The following FAM120B variants were observed in gnomAD, a reference collection of about 807,000 sequenced individuals.
FAM120B encodes family with sequence similarity 120 member B, also known as constitutive coactivator of peroxisome proliferator-activated receptor gamma.
A neutral mutation model predicts 96.3 loss-of-function variants in FAM120B; 83 were observed. The observed-to-expected ratio is 0.86, with a 90% CI of 0.72 to 1.03. The LOEUF (loss-of-function observed/expected upper bound fraction) is 1.03, where lower values mean the gene tolerates loss of function less well. Ranked by LOEUF, FAM120B falls within the 50% of genes least tolerant of loss-of-function variation. The probability of loss-of-function intolerance (pLI) is 0.00; values close to 1 mark genes in which losing one functional copy is unlikely to be tolerated. For synonymous variants in FAM120B, 407 were observed against 402.7 expected, an observed-to-expected ratio of 1.01 and a Z score of -0.13; for missense variants, 1,027 against 1,121.2, an observed-to-expected ratio of 0.92 and a Z score of 1.20.
intron 6 of FAM120B, among the ~76,000 whole-genome samples, chr6:170,376,572 G>T (rs1324924063): frequency 6.6e-6 from 1 of 152,164 alleles, no homozygotes; most frequent in East Asian, 1.9e-4. Context: ...AGAGCGGTAT[G>T]CAAGAAAAGA....
chr6:170,351,282 A>C (rs1787559787), intron 5 of FAM120B, among the ~76,000 whole-genome samples: 2 of 152,212 alleles, frequency 1.3e-5, no homozygotes, highest in Non-Finnish European at 2.9e-5. Context: ...AACCTCCAAG[A>C]AGTATGAGAT....
chr6:170,374,044 A>G (rs1381484687), intron 6 of FAM120B, among the ~76,000 whole-genome samples: 2 of 152,102 alleles, frequency 1.3e-5, no homozygotes, highest in African/African-American at 4.8e-5. Context: ...TGGATTTTTT[A>G]CCCTCACTTC....
intron 1 of FAM120B, among the ~76,000 whole-genome samples, chr6:170,315,954 G>A (rs1023470991): frequency 3.4e-5 from 5 of 148,170 alleles, no homozygotes; most frequent in Non-Finnish European, 7.4e-5. Flanking sequence ...AGGTGTGGTG[G>A]CAGCTAAGAC....
chr6:170,326,013 A>G (rs897810045), intron 3 of FAM120B, among the ~76,000 whole-genome samples: 1 of 152,086 alleles, frequency 6.6e-6, no homozygotes, highest in African/African-American at 2.4e-5. Flanking sequence ...GTGTATTTTC[A>G]TTCTCCCCAA....
rs1042711053 is a variant in FAM120B, at chr6:170,369,691, T to G, written c.2283+11373T>G. Among the ~76,000 whole-genome samples, 8 of 143,422 alleles carry G rather than the reference T, an allele frequency of 5.6e-5. 1 individual carries two copies. Among genetic ancestry groups the G allele is most frequent in the South Asian group, 4.5e-4 (2 of 4,450 alleles). The allele number at this position is 143,422 out of a possible 152,430, so 94.1% of individuals were successfully genotyped here. A position where few individuals can be genotyped will look rare whatever the true frequency, so the allele number is the denominator to read the frequency against. On this transcript the variant is annotated intron_variant, in intron 6 of 10. Coordinates refer to ENST00000476287, the MANE Select transcript of FAM120B (RefSeq NM_032448.3). The stretch of plus-strand genomic sequence containing the variant: ...TTTGCCTCAGCAAACTTAGGGTAGT[T>G]TTTTTTTTTTTTTTTTTCCTGCTCC...
chr6:170,318,612 G>A lies in FAM120B; in HGVS notation c.1222G>A (p.Glu408Lys). ...RREVPMCSDP[E>K]PRQEVPMCTG... ...AGAAGTTCCCATGTGTTCAGACCCT[G>A]AACCCAGGCAAGAAGTTCCCATGTG... The change falls in exon 2 of 11, where the codon GAA becomes AAA. Residue 408 changes from glutamate (E) to lysine (K), a missense_variant. Coordinates refer to ENST00000476287, the MANE Select transcript of FAM120B (RefSeq NM_032448.3). The A allele has an allele frequency of 6.3e-7, 1 of 1,588,324 alleles. No homozygotes were observed. Among genetic ancestry groups the A allele is most frequent in the Non-Finnish European group, 8.6e-7 (1 of 1,165,546 alleles).
chr6:170,401,023 G>A (rs560327672), intron 9 of FAM120B, among the ~76,000 whole-genome samples: 57 of 152,204 alleles, frequency 3.7e-4, no homozygotes, highest in Non-Finnish European at 6.3e-4. Flanking sequence ...GCTTTCTTCC[G>A]ATTCTGTTAG....
rs1454803383 is a variant in FAM120B at position 170,319,023 on chromosome 6, C to G, written c.1633C>G (p.Leu545Val). Residue 545 changes from leucine to valine, a missense_variant, in exon 2 of 11, where the codon CTC becomes GTC. By Grantham distance (32) the Leu-to-Val change is conservative (BLOSUM62 1). Coordinates refer to ENST00000476287, the MANE Select transcript of FAM120B (RefSeq NM_032448.3). ...AGATTTTGAATTTAAGCTAGAAGCT[C>G]TCATGTGTACAAACCCTGAAATTAA... ...ATDFEFKLEA[L>V]MCTNPEIKQE... 28 of 1,613,824 alleles carry G rather than the reference C, an allele frequency of 1.7e-5. No homozygotes were observed. The highest frequency in any genetic ancestry group is 1.6e-4 in the Middle Eastern group (1 of 6,084).
rs73249898 is a variant in FAM120B, at chr6:170,362,455, C to T, written c.2283+4137C>T. On this transcript the variant is annotated intron_variant, in intron 6 of 10. Coordinates refer to ENST00000476287, the MANE Select transcript of FAM120B (RefSeq NM_032448.3). ...GTATAATTGTCTACCTGCCACTCTC[C>T]CAGTGTTCTGTAAGAATCTGATACA... Among the ~76,000 whole-genome samples, 816 of 152,246 alleles carry T rather than the reference C, an allele frequency of 5.4e-3. 9 individuals are homozygous for T. Among genetic ancestry groups the T allele is most frequent in the African/African-American group, 0.019 (779 of 41,536 alleles).
intron 6 of FAM120B, among the ~76,000 whole-genome samples, chr6:170,360,586 A>C (rs972460393): frequency 7.2e-5 from 11 of 152,188 alleles, no homozygotes; most frequent in Admixed American, 5.9e-4. Flanking sequence ...CCATCCACTC[A>C]GCAGCACTGG....
At chr6:170,380,152 A>G (rs1253908274) in intron 6 of FAM120B, among the ~76,000 whole-genome samples, 2 of 151,802 alleles carry the variant, frequency 1.3e-5, no homozygotes, top group Non-Finnish European at 2.9e-5. Context: ...CTGCACTTCC[A>G]TCCGTGTTGT....
chr6:170,348,362 G>A (rs763480558), intron 5 of FAM120B, 39 bp downstream of exon 5: 11 of 1,591,088 alleles, frequency 6.9e-6, no homozygotes, highest in South Asian at 2.2e-5. Flanking sequence ...TGCAGCCTGC[G>A]CTTACTTTAT....
intron 9 of FAM120B, among the ~76,000 whole-genome samples, chr6:170,398,780 G>C: frequency 6.6e-6 from 1 of 150,874 alleles, no homozygotes; most frequent in African/African-American, 2.4e-5. Context: ...CCTTAGGAGT[G>C]AGTGGGGAAG....
intron 4 of FAM120B, among the ~76,000 whole-genome samples, chr6:170,333,542 G>C (rs1786208847): frequency 7.0e-6 from 1 of 142,878 alleles, no homozygotes. Context: ...TTTTGAGACA[G>C]AGTCTCACTC....
intron 5 of FAM120B, among the ~76,000 whole-genome samples, chr6:170,354,001 A>G (rs1004270454): frequency 6.6e-6 from 1 of 152,248 alleles, no homozygotes; most frequent in African/African-American, 2.4e-5. Context: ...TGGAGGCATC[A>G]TGCTACCCAA....
chr6:170,301,356 C>T (rs1019259925), intron 1 of FAM120B, among the ~76,000 whole-genome samples: 10 of 152,354 alleles, frequency 6.6e-5, no homozygotes, highest in African/African-American at 1.9e-4. Context: ...CTAGGCTGCA[C>T]ACAGAAAGGG....
rs371749220 is a variant in FAM120B, at chr6:170,348,272, C to T, written c.2139C>T (p.Val713=). 41 of 1,613,748 alleles carry T rather than the reference C, an allele frequency of 2.5e-5. No homozygotes were observed. The highest frequency in any genetic ancestry group is 9.3e-5 in the African/African-American group (7 of 74,900). ...CCTCAAGAGAAGAGCTGCAGGCTGT[C>T]GAAAGCCCATTTCAAGCTTTGTGCT... ...LSSSREELQA[V]ESPFQALCCL... is the part of the protein sequence containing the mutation. The change falls in exon 5 of 11, where the codon GTC becomes GTT. Residue 713 remains valine (V), a synonymous_variant. Transcript: ENST00000476287.
intron 1 of FAM120B, among the ~76,000 whole-genome samples, chr6:170,309,504 A>G (rs1273474552): frequency 6.6e-6 from 1 of 152,212 alleles, no homozygotes; most frequent in East Asian, 1.9e-4. Context: ...CTATTTTATC[A>G]GTTCTTATTA....
intron 5 of FAM120B, among the ~76,000 whole-genome samples, chr6:170,350,060 C>G (rs948236728): frequency 1.3e-5 from 2 of 152,296 alleles, no homozygotes; most frequent in Admixed American, 6.5e-5. Context: ...GTCTGATACA[C>G]AGAGCTGTTT....
Sources: gnomAD v4.1 joint callset for allele counts (sites outside exome capture counted in the v4.1 genomes callset) on GRCh38, gnomAD v4.1.1 for gene constraint, MANE v1.5 for transcripts, NCBI Gene and HGNC (gene_info 2026-07-23, HGNC 2026-07-21) for gene names.